Variants in LINGO1 observed in about 807,000 individuals in gnomAD.
The protein encoded by LINGO1 is leucine rich repeat and Ig domain containing 1, also known as leucine-rich repeat and immunoglobulin-like domain-containing nogo receptor-interacting protein 1.
A neutral mutation model predicts 37.3 loss-of-function variants in LINGO1; 11 were observed. The observed-to-expected ratio is 0.29, with a 90% CI of 0.19 to 0.49. LINGO1 has a LOEUF of 0.49. Among genes scored for constraint, LINGO1 ranks in the 20% least tolerant of loss-of-function variants. The pLI is 0.99. For synonymous variants in LINGO1, 387 were observed against 403.0 expected (o/e 0.96, Z 0.48); for missense variants, 585 against 878.2 (o/e 0.67, Z 4.22).
At chr15:77,739,775 G>C (rs893020977) in intron 1 of LINGO1, among the ~76,000 whole-genome samples, 1 of 152,228 alleles carries the variant, frequency 6.6e-6, no homozygotes, top group Non-Finnish European at 1.5e-5. Flanking sequence ...CCTACAAGTG[G>C]TTCTTTAAAG....
intron 2 of LINGO1, among the ~76,000 whole-genome samples, chr15:77,712,320 C>T (rs2075928116): frequency 1.3e-5 from 2 of 152,152 alleles, no homozygotes; most frequent in Non-Finnish European, 2.9e-5. Flanking sequence ...CGCACCTCAC[C>T]TTCCATCACT....
At chr15:77,780,429 T>C (rs1029143582) in intron 1 of LINGO1, among the ~76,000 whole-genome samples, 21 of 151,726 alleles carry the variant, frequency 1.4e-4, no homozygotes, top group African/African-American at 4.6e-4. Flanking sequence ...TGCCCCCAAG[T>C]GCAGCCTTAT....
At chr15:77,635,229 T>C (rs111448452), upstream of LINGO1, among the ~76,000 whole-genome samples, 63 of 152,206 alleles carry the variant, frequency 4.1e-4, no homozygotes, top group African/African-American at 1.5e-3. Flanking sequence ...CATTCCCCTT[T>C]CCCTTTGTCT....
chr15:77,734,310 G>A (rs1384803958), intron 2 of LINGO1, among the ~76,000 whole-genome samples: 1 of 152,048 alleles, frequency 6.6e-6, no homozygotes, highest in African/African-American at 2.4e-5. Flanking sequence ...ATTCCGGAGA[G>A]GGAGGGAGAG....
chr15:77,761,857 C>A (rs1027177488), intron 1 of LINGO1, among the ~76,000 whole-genome samples: 2 of 152,230 alleles, frequency 1.3e-5, no homozygotes, highest in Admixed American at 1.3e-4. Flanking sequence ...TGCCCAGCCC[C>A]TGGAGTCTCC....
intron 2 of LINGO1, among the ~76,000 whole-genome samples, chr15:77,714,248 C>T (rs2075956202): frequency 6.6e-6 from 1 of 152,156 alleles, no homozygotes; most frequent in African/African-American, 2.4e-5. Flanking sequence ...ATGGGGTCTG[C>T]CACCCCCATC....
intron 2 of LINGO1, among the ~76,000 whole-genome samples, chr15:77,730,674 G>A (rs1287173796): frequency 3.9e-5 from 6 of 152,220 alleles, no homozygotes; most frequent in East Asian, 1.9e-4. Flanking sequence ...ATCAGTAGAC[G>A]CTCTGGAGCA....
chr15:77,653,563 G>C (rs2074806898), intron 3 of LINGO1, among the ~76,000 whole-genome samples: 1 of 152,190 alleles, frequency 6.6e-6, no homozygotes, highest in Non-Finnish European at 1.5e-5. Context: ...GGTATTACTG[G>C]TATCTGCTGC....
At chr15:77,808,834 T>G (rs548048856) in intron 1 of LINGO1, among the ~76,000 whole-genome samples, 1 of 152,308 alleles carries the variant, frequency 6.6e-6, no homozygotes, top group Admixed American at 6.5e-5. Context: ...TGCCCAACAC[T>G]TAACAGGGGT....
At chr15:77,649,729 G>A (rs1214285477) in intron 3 of LINGO1, among the ~76,000 whole-genome samples, 2 of 152,148 alleles carry the variant, frequency 1.3e-5, no homozygotes, top group African/African-American at 2.4e-5. Flanking sequence ...GGAATCCAGT[G>A]TGGCAGGCAG....
In LINGO1 at chr15:77,664,181, A is replaced by G. The variant is rs1407113581; in HGVS notation, c.-13+12908T>C. 5.5e-4 allele frequency among the ~76,000 whole-genome samples: 43 copies of G among 78,058 alleles called. 2 individuals carry two copies. Among genetic ancestry groups the G allele is most frequent in the African/African-American group, 2.7e-3 (35 of 12,820 alleles). The allele number at this position is 78,058 out of a possible 152,430, so 51.2% of individuals were successfully genotyped here. A position where few individuals can be genotyped will look rare whatever the true frequency, so the allele number is the denominator to read the frequency against. On this transcript the variant is annotated intron_variant, in intron 3 of 3. Coordinates refer to the LINGO1 transcript ENST00000559893. ...TGTGTGTGTGTGTGTGCGCGCGCGC[A>G]TGCGTTTGCATTCTCAGCCCTGGCA...
chr15:77,625,099 C>T (rs939005160), intron 1 of LINGO1, among the ~76,000 whole-genome samples: 2 of 152,200 alleles, frequency 1.3e-5, no homozygotes, highest in African/African-American at 4.8e-5. Flanking sequence ...TATTTGGGAA[C>T]AGCTCAGGCC....
Position 77,613,234 on chromosome 15 carries a change from C to A in LINGO1, c.*810G>T, listed in dbSNP as rs928160607. Reference sequence around the variant, plus strand: ...GCTGGGACCAGAGGCTGGGGTGGGCCCCACCTCCAGCCCCTGGCTCTCTCC... The same window carrying A: ...GCTGGGACCAGAGGCTGGGGTGGGCACCACCTCCAGCCCCTGGCTCTCTCC... On this transcript the variant is annotated 3_prime_UTR_variant, in exon 2 of 2. Transcript: ENST00000355300. The A allele has an allele frequency of 6.6e-6, 1 of 152,090 alleles. No individual in the cohort carries two copies. The highest frequency in any genetic ancestry group is 1.5e-5 in the Non-Finnish European group (1 of 68,054). The allele number at this position is 152,090 out of a possible 1,614,324, so 9.4% of individuals were successfully genotyped here.
chr15:77,795,700 T>C (rs2076867054), intron 2 of LINGO1, among the ~76,000 whole-genome samples: 1 of 152,166 alleles, frequency 6.6e-6, no homozygotes, highest in South Asian at 2.1e-4. Flanking sequence ...GGGAACCCAT[T>C]AGCCGGCACT....
upstream of LINGO1, among the ~76,000 whole-genome samples, chr15:77,637,219 CT>C (rs1389733640): frequency 2.6e-5 from 4 of 152,226 alleles, no homozygotes; most frequent in Non-Finnish European, 4.4e-5. This position sits in a 1 kb window ranked among gnomAD's most constrained non-coding sequence, Gnocchi z 4.6. Context: ...CCCACAGTGG[CT>C]GGCCCAAGTT....
chr15:77,734,707 C>A (rs925466587), intron 2 of LINGO1, among the ~76,000 whole-genome samples: 1 of 151,998 alleles, frequency 6.6e-6, no homozygotes, highest in Non-Finnish European at 1.5e-5. Context: ...CTCCCCAGGG[C>A]CCCAGCGGTT....
intron 1 of LINGO1, among the ~76,000 whole-genome samples, chr15:77,619,103 A>G (rs1471065488): frequency 6.6e-6 from 1 of 151,928 alleles, no homozygotes; most frequent in African/African-American, 2.4e-5. Context: ...AAAGAGGGAA[A>G]TATGCTCCAA....
At chr15:77,698,403 C>A (rs2075724667), upstream of LINGO1, among the ~76,000 whole-genome samples, 1 of 152,154 alleles carries the variant, frequency 6.6e-6, no homozygotes, top group African/African-American at 2.4e-5. Context: ...TCTGGCCCAC[C>A]CAACAGAAGG....
Position 77,632,706 on chromosome 15 carries a change from G to A in LINGO1, c.-391C>T, listed in dbSNP as rs2074298967. On this transcript the variant is annotated 5_prime_UTR_variant, in exon 1 of 2. Coordinates refer to ENST00000355300, the MANE Select transcript of LINGO1 (RefSeq NM_032808.7). This position sits in a 1 kb window ranked among gnomAD's most constrained non-coding sequence, Gnocchi z 6.0. ...CGCGCTCCGCCGCGGGGCCGGGGCC[G>A]GCGGGCAGCGGCCGCGCATGCTGCT... Among the ~76,000 whole-genome samples, 1 of 145,778 alleles carries A rather than the reference G, an allele frequency of 6.9e-6. No individual in the cohort carries two copies. The highest frequency in any genetic ancestry group is 1.5e-5 in the Non-Finnish European group (1 of 65,666).
Sources: allele counts gnomAD v4.1 joint callset (sites outside exome capture counted in the v4.1 genomes callset), GRCh38; gene constraint gnomAD v4.1.1; non-coding constraint Gnocchi (gnomAD v3.1); transcripts MANE v1.5; gene names NCBI Gene and HGNC (gene_info 2026-07-23, HGNC 2026-07-21).